Variants in MYH10 observed in about 807,000 individuals in gnomAD.
MYH10 encodes myosin-10.
In MYH10, 55 loss-of-function variants were observed where a neutral mutation model predicts 257.8. The observed-to-expected ratio is 0.21, with a 90% CI of 0.17 to 0.27. The LOEUF is 0.27. Ranked by LOEUF, MYH10 falls within the 10% of genes least tolerant of loss-of-function variation. The pLI is 1.00. For synonymous variants in MYH10, 854 were observed against 921.7 expected (o/e 0.93, Z 1.33); for missense variants, 1,631 against 2,500.6 (o/e 0.65, Z 7.42).
At chr17:8,600,191 G>A (rs1206432785) in intron 3 of MYH10, among the ~76,000 whole-genome samples, 3 of 152,196 alleles carry the variant, frequency 2.0e-5, no homozygotes, top group East Asian at 1.9e-4. Flanking sequence ...TTCATCCAGC[G>A]TGAGTTTTAC....
intron 17 of MYH10, among the ~76,000 whole-genome samples, chr17:8,526,684 C>T (rs965154472): frequency 7.2e-5 from 11 of 152,158 alleles, no homozygotes; most frequent in African/African-American, 2.7e-4. Flanking sequence ...CTGCCACCAA[C>T]AGTTTCATAG....
At chr17:8,626,563 T>C (rs896651399) in intron 1 of MYH10, among the ~76,000 whole-genome samples, 1 of 129,636 alleles carries the variant, frequency 7.7e-6, no homozygotes, top group Non-Finnish European at 1.6e-5. Flanking sequence ...TGAGACTCTG[T>C]CTCAAAATAA....
intron 29 of MYH10, 97 bp from the exon 30 acceptor site, chr17:8,499,573 A>G: frequency 1.9e-6 from 2 of 1,055,098 alleles, no homozygotes; most frequent in South Asian, 2.8e-5. Context: ...CCTAACACAC[A>G]GTGAGTCTGT....
At chr17:8,478,572 C>T in intron 40 of MYH10, 126 bp from the exon 41 acceptor site, 2 of 803,978 alleles carry the variant, frequency 2.5e-6, no homozygotes, top group Non-Finnish European at 4.0e-6. Context: ...ACCTCTCTGT[C>T]CAGAATTCAT....
chr17:8,513,217 C>T (rs955793849), intron 23 of MYH10, among the ~76,000 whole-genome samples: 2 of 152,138 alleles, frequency 1.3e-5, no homozygotes, highest in African/African-American at 2.4e-5. Context: ...CCCTCATAAA[C>T]AGACATAGGA....
At chr17:8,543,231 T>G (rs73248076) in intron 13 of MYH10, among the ~76,000 whole-genome samples, 2,757 of 152,236 alleles carry the variant, frequency 0.018, 75 homozygotes, top group African/African-American at 0.06. Context: ...TGATTTACAG[T>G]CTGAAAAAGC....
rs571253345 is a variant in MYH10 at position 8,548,182 on chromosome 17, G to A, written c.1159+131C>T. 4.7e-5 allele frequency: 29 copies of A among 613,614 alleles called. No individual in the cohort carries two copies. In the South Asian group the frequency reaches 5.0e-4, roughly 10 times the overall value. The allele number at this position is 613,614 out of a possible 1,614,324, so 38.0% of individuals were successfully genotyped here. Reference sequence around the variant, plus strand: ...CAGAGGAACCCTCGTGTAAATACACGATGTTGTCACTCTACTCAAGGGTCC... The same window carrying A: ...CAGAGGAACCCTCGTGTAAATACACAATGTTGTCACTCTACTCAAGGGTCC... On this transcript the variant is annotated intron_variant, in intron 11 of 42. Coordinates refer to ENST00000360416, the MANE Select transcript of MYH10 (RefSeq NM_001256012.3).
intron 9 of MYH10, among the ~76,000 whole-genome samples, chr17:8,551,374 C>T (rs1378606437): frequency 6.6e-6 from 1 of 152,064 alleles, no homozygotes; most frequent in Non-Finnish European, 1.5e-5. Flanking sequence ...CTGTGGTTAG[C>T]AAAAGCCTGG....
At chr17:8,501,564 A>G (rs1044101906) in intron 28 of MYH10, among the ~76,000 whole-genome samples, 7 of 152,106 alleles carry the variant, frequency 4.6e-5, no homozygotes, top group Non-Finnish European at 1.0e-4. Flanking sequence ...ACAAAGCAAG[A>G]CTCTTAGCGT....
chr17:8,576,844 G>A (rs2083517215), intron 5 of MYH10, among the ~76,000 whole-genome samples, 172 bp from the exon 6 acceptor site: 1 of 152,154 alleles, frequency 6.6e-6, no homozygotes, highest in Non-Finnish European at 1.5e-5. Context: ...AAAAATTAAG[G>A]AGAACTGACA....
rs1267161810 is a variant in MYH10 at position 8,550,486 on chromosome 17, G to A, written c.919+1560C>T. 7.8e-4 allele frequency among the ~76,000 whole-genome samples: 118 copies of A among 151,302 alleles called. 2 individuals carry two copies. The highest frequency in any genetic ancestry group is 2.5e-4 in the Non-Finnish European group (17 of 67,828). On this transcript the variant is annotated intron_variant, in intron 9 of 42. Transcript: ENST00000360416. Reference sequence around the variant, plus strand: ...CGTCTGAGAAGTGAGGAGCCTCTCCGCCCGGCAGCCACCCCGTCCGGGAGG... The same window carrying A: ...CGTCTGAGAAGTGAGGAGCCTCTCCACCCGGCAGCCACCCCGTCCGGGAGG...
chr17:8,622,283 C>T (rs73238715), intron 2 of MYH10, among the ~76,000 whole-genome samples: 1 of 152,088 alleles, frequency 6.6e-6, no homozygotes, highest in African/African-American at 2.4e-5. Flanking sequence ...CATTATCCCT[C>T]TCTACATTAT....
intron 2 of MYH10, among the ~76,000 whole-genome samples, chr17:8,622,515 C>T (rs1477984023): frequency 6.6e-6 from 1 of 152,214 alleles, no homozygotes; most frequent in Non-Finnish European, 1.5e-5. Context: ...AGCCCCTCCA[C>T]TTTACTCTTG....
chr17:8,549,108 T>C (rs1389801940), intron 9 of MYH10, among the ~76,000 whole-genome samples: 1 of 152,260 alleles, frequency 6.6e-6, no homozygotes, highest in Non-Finnish European at 1.5e-5. Flanking sequence ...GACAAAACTC[T>C]ATTGTTTTCA....
chr17:8,557,210 AAAAAG>A (rs1282383638), intron 7 of MYH10, among the ~76,000 whole-genome samples: 7 of 152,318 alleles, frequency 4.6e-5, no homozygotes, highest in South Asian at 2.1e-4. Flanking sequence ...TTGATTTTAA[AAAAAG>A]AAAAGAGGAA....
chr17:8,512,473 T>C lies in MYH10; in HGVS notation c.2930A>G (p.Lys977Arg), dbSNP rs753504456. ...ERNQILQNEK[K>R]KMQAHIQDLE... is the part of the protein sequence containing the mutation. ...TACCTGAATATGTGCTTGCATTTTT[T>C]TCTTTTCATTTTGGAGGATTTGGTT... Residue 977 changes from lysine (K) to arginine (R), a missense_variant, in exon 24 of 43, where the codon AAA becomes AGA. By Grantham distance (26) the Lys-to-Arg change is conservative. Transcript: ENST00000360416. 1 of 1,612,644 alleles carries C rather than the reference T, an allele frequency of 6.2e-7. No homozygotes were observed. The highest frequency in any genetic ancestry group is 1.3e-5 in the African/African-American group (1 of 74,774).
At chr17:8,508,517 G>C in intron 26 of MYH10, 37 bp downstream of exon 26, 1 of 1,613,132 alleles carries the variant, frequency 6.2e-7, no homozygotes, top group South Asian at 1.1e-5. Context: ...ACACTCACAT[G>C]TCCTAGTCCC....
rs1200217335 is a variant in MYH10, at chr17:8,500,979, G to C, written c.3600-9C>G. The C allele has an allele frequency of 2.2e-5, 35 of 1,609,358 alleles. No homozygotes were observed. Among genetic ancestry groups the C allele is most frequent in the Non-Finnish European group, 2.9e-5 (34 of 1,178,750 alleles). On this transcript the variant is annotated splice_polypyrimidine_tract_variant and intron_variant, in intron 28 of 42. Coordinates refer to ENST00000360416, the MANE Select transcript of MYH10 (RefSeq NM_001256012.3). ...CTTGTTCACGTTTTGTACTAGAGAAGGACATTTTTTAAGAGAGATCAGAAT... is the reference window on the plus strand; with the variant it reads ...CTTGTTCACGTTTTGTACTAGAGAACGACATTTTTTAAGAGAGATCAGAAT...
At chr17:8,499,209 C>A (rs1166355429) in intron 30 of MYH10, 61 bp downstream of exon 30, 30 of 1,534,608 alleles carry the variant, frequency 2.0e-5, no homozygotes, top group Admixed American at 1.8e-5. Context: ...CAGAGGGATA[C>A]AATGGTAAAT....
Sources: allele counts gnomAD v4.1 joint callset (sites outside exome capture counted in the v4.1 genomes callset), GRCh38; gene constraint gnomAD v4.1.1; transcripts MANE v1.5; gene names NCBI Gene and HGNC (gene_info 2026-07-23, HGNC 2026-07-21).